FOCAD: variants seen among roughly 807,000 people sequenced by gnomAD.
The protein encoded by FOCAD is KIAA1797.
Under a neutral mutation model 225.6 loss-of-function variants are expected in FOCAD, and 198 were observed. That is an observed-to-expected ratio of 0.88 (90% CI 0.78 to 0.99). FOCAD has a LOEUF of 0.99. Among genes scored for constraint, FOCAD ranks in the 50% least tolerant of loss-of-function variants. FOCAD has a pLI of 0.00. For missense variants in FOCAD, 2,713 were observed against 2,123.6 expected, an observed-to-expected ratio of 1.28 and a Z score of -5.46; for synonymous variants, 897 against 755.0, an observed-to-expected ratio of 1.19 and a Z score of -3.08.
At chr9:20,858,431 T>A (rs142208933) in intron 15 of FOCAD, among the ~76,000 whole-genome samples, 2 of 152,256 alleles carry the variant, frequency 1.3e-5, no homozygotes, top group African/African-American at 4.8e-5. Flanking sequence ...GTATTGTATT[T>A]TGTGAATGTT....
At chr9:20,909,270 T>C (rs1833238469) in intron 22 of FOCAD, among the ~76,000 whole-genome samples, 1 of 152,090 alleles carries the variant, frequency 6.6e-6, no homozygotes. Context: ...TAACCCCATG[T>C]ATAATGGGAT....
rs536402507 is a variant in FOCAD at position 20,742,837 on chromosome 9, A to C, written c.392+2497A>C. ...TGTGAATAGGAAGCCTAGTTTGAGA[A>C]GCTGAGAAGAATTGGATACATAGGC... is the stretch of plus-strand genomic sequence containing the variant. On this transcript the variant is annotated intron_variant, in intron 5 of 43. Transcript: ENST00000338382. Among the ~76,000 whole-genome samples the C allele has an allele frequency of 8.5e-5, 13 of 152,332 alleles. No individual in the cohort carries two copies. The East Asian group carries it at 2.5e-3, about 29-fold the overall frequency.
upstream of FOCAD, among the ~76,000 whole-genome samples, chr9:20,657,503 C>T (rs1821528764): frequency 1.6e-5 from 1 of 63,954 alleles, no homozygotes. Flanking sequence ...CTCTAAACTT[C>T]CCTTCTCGCT....
upstream of FOCAD, among the ~76,000 whole-genome samples, chr9:20,681,380 G>A (rs547195895): frequency 1.1e-4 from 16 of 152,256 alleles, no homozygotes; most frequent in Admixed American, 3.9e-4. Context: ...ATAGGTGTGA[G>A]CCATCATGCC....
intron 2 of FOCAD, among the ~76,000 whole-genome samples, chr9:20,660,044 T>C (rs566171426): frequency 6.6e-6 from 1 of 152,220 alleles, no homozygotes; most frequent in Admixed American, 6.5e-5. Flanking sequence ...AGTTTTGTTT[T>C]CAAGATAATG....
At chr9:20,911,236 A>G (rs999233497) in intron 22 of FOCAD, among the ~76,000 whole-genome samples, 2 of 152,084 alleles carry the variant, frequency 1.3e-5, no homozygotes, top group Non-Finnish European at 2.9e-5. Flanking sequence ...AGTATGGAGA[A>G]TGAGGATTGA....
At chr9:20,683,392 T>A (rs1386956370), upstream of FOCAD, 1 of 152,094 alleles carries the variant, frequency 6.6e-6, no homozygotes, top group Non-Finnish European at 1.5e-5. Context: ...TCTTAACTCT[T>A]TCATCTTGCG....
intron 9 of FOCAD, 25 bp downstream of exon 9, chr9:20,778,793 G>T (rs372420546): frequency 3.0e-6 from 4 of 1,320,048 alleles, no homozygotes; most frequent in Non-Finnish European, 4.4e-6. Flanking sequence ...AGTCACTAGA[G>T]TAAAATGTAA....
At chr9:20,994,975 A>G (rs1841948844) in intron 43 of FOCAD, among the ~76,000 whole-genome samples, 1 of 64,652 alleles carries the variant, frequency 1.5e-5, no homozygotes, top group African/African-American at 6.6e-5. Context: ...ATATTCTAAA[A>G]TAAGATATAA....
chr9:20,779,025 T>C (rs1042430426), intron 9 of FOCAD, among the ~76,000 whole-genome samples: 1 of 152,232 alleles, frequency 6.6e-6, no homozygotes, highest in Non-Finnish European at 1.5e-5. Flanking sequence ...CATTCAGGAA[T>C]ATATTGAATG....
rs1824224525 is a variant in FOCAD at position 20,820,654 on chromosome 9, C to A, written c.1662+229C>A. 2.0e-5 allele frequency among the ~76,000 whole-genome samples: 3 copies of A among 152,022 alleles called. No homozygotes were observed. The South Asian group carries it at 6.2e-4, about 32-fold the overall frequency. On this transcript the variant is annotated intron_variant, in intron 13 of 43. Transcript: ENST00000338382. ...TTCTTTATTTCTGAAATGTATCTTT[C>A]CATTTGCTTGAGAAAGTAATGGAAA...
chr9:20,773,843 G>T (rs1818480161), intron 8 of FOCAD, among the ~76,000 whole-genome samples: 1 of 151,984 alleles, frequency 6.6e-6, no homozygotes, highest in South Asian at 2.1e-4. Flanking sequence ...TCTGGATTTT[G>T]CTGATTGCAA....
Position 20,981,479 on chromosome 9 carries a change from C to G in FOCAD, c.4431C>G (p.Ile1477Met), listed in dbSNP as rs763315217. 3.1e-6 allele frequency: 5 copies of G among 1,614,136 alleles called. No individual in the cohort carries two copies. Among genetic ancestry groups the G allele is most frequent in the Non-Finnish European group, 4.2e-6 (5 of 1,179,980 alleles). The change falls in exon 38 of 44, where the codon ATC (isoleucine) becomes ATG (methionine). Residue 1477 changes from isoleucine to methionine, a missense_variant. Coordinates refer to ENST00000338382, the MANE Select transcript of FOCAD (RefSeq NM_001375567.1). ...CTGCACCTCTGTGGATAAAACACAT[C>G]TCTGATGAACAGATCCTGGGTTTTG... ...LISAPLWIKH[I>M]SDEQILGFVE...
intron 10 of FOCAD, among the ~76,000 whole-genome samples, chr9:20,788,983 G>C (rs902263598): frequency 2.0e-5 from 3 of 151,640 alleles, no homozygotes; most frequent in Admixed American, 6.6e-5. Context: ...GGCAAATACA[G>C]TATTTTTTTT....
chr9:20,939,847 C>T (rs979724053), intron 28 of FOCAD, among the ~76,000 whole-genome samples: 2 of 151,002 alleles, frequency 1.3e-5, no homozygotes, highest in African/African-American at 4.9e-5. Flanking sequence ...TGGTGTGCTG[C>T]ACCCATTAAC....
chr9:20,830,321 T>A (rs1204492650), intron 15 of FOCAD, among the ~76,000 whole-genome samples: 1 of 152,084 alleles, frequency 6.6e-6, no homozygotes, highest in East Asian at 1.9e-4. Context: ...AATATATTAA[T>A]TTTTAGTGTT....
chr9:20,947,139 G>A (rs1051539063), intron 30 of FOCAD, among the ~76,000 whole-genome samples: 3 of 152,070 alleles, frequency 2.0e-5, no homozygotes, highest in African/African-American at 7.2e-5. Flanking sequence ...GTTATGTAAA[G>A]TTAGAAACAA....
At chr9:20,993,198 C>A in intron 42 of FOCAD, 55 bp from the exon 43 acceptor site, 1 of 1,435,954 alleles carries the variant, frequency 7.0e-7, no homozygotes, top group Non-Finnish European at 9.8e-7. Flanking sequence ...AATAACTGTT[C>A]TTTTGCTGAT....
chr9:20,890,538 A>G lies in FOCAD; in HGVS notation c.2625+5308A>G, dbSNP rs546854245. Reference sequence around the variant, plus strand: ...TTCCTGGGATACACTCCGCTTGATCATAGCCTATTTATATATTGCTTCATT... The same window carrying G: ...TTCCTGGGATACACTCCGCTTGATCGTAGCCTATTTATATATTGCTTCATT... On this transcript the variant is annotated intron_variant, in intron 21 of 43. Transcript: ENST00000338382. Among the ~76,000 whole-genome samples, 5 of 152,196 alleles carry G rather than the reference A, an allele frequency of 3.3e-5. No homozygotes were observed. In the East Asian group the frequency reaches 7.7e-4, roughly 23 times the overall value.
Sources: allele counts gnomAD v4.1 joint callset (sites outside exome capture counted in the v4.1 genomes callset), GRCh38; gene constraint gnomAD v4.1.1; transcripts MANE v1.5; gene names NCBI Gene and HGNC (gene_info 2026-07-23, HGNC 2026-07-21).